NTM: variants seen among roughly 807,000 people sequenced by gnomAD.
NTM encodes the protein IgLON family member 2.
A neutral mutation model predicts 42.1 loss-of-function variants in NTM; 13 were observed. The observed-to-expected ratio is 0.31, with a 90% CI of 0.20 to 0.49. The LOEUF (loss-of-function observed/expected upper bound fraction) is 0.49, where lower values mean the gene tolerates loss of function less well. Among genes scored for constraint, NTM ranks in the 20% least tolerant of loss-of-function variants. The pLI is 0.99. For missense variants in NTM, 373 were observed against 452.8 expected (o/e 0.82, Z 1.60); for synonymous variants, 187 against 179.2 (o/e 1.04, Z -0.35).
At chr11:131,854,419 G>C (rs79016398) in intron 1 of NTM, among the ~76,000 whole-genome samples, 53 of 152,222 alleles carry the variant, frequency 3.5e-4, no homozygotes, top group Non-Finnish European at 5.3e-4. Flanking sequence ...TGGGGAATTC[G>C]CATGGTGTAA....
At chr11:131,707,580 T>C (rs1469660772) in intron 1 of NTM, among the ~76,000 whole-genome samples, 1 of 152,254 alleles carries the variant, frequency 6.6e-6, no homozygotes, top group Non-Finnish European at 1.5e-5. Context: ...TATTGTTTTT[T>C]ATAATGGTTA....
At chr11:132,147,332 CTT>C (rs1055026214) in intron 3 of NTM, among the ~76,000 whole-genome samples, 9 of 152,202 alleles carry the variant, frequency 5.9e-5, no homozygotes, top group Non-Finnish European at 8.8e-5. Flanking sequence ...TCAGACAACA[CTT>C]AACCCGGTTG....
chr11:132,150,115 G>A (rs552465925), intron 3 of NTM, among the ~76,000 whole-genome samples: 14 of 152,264 alleles, frequency 9.2e-5, no homozygotes, highest in South Asian at 6.2e-4. Flanking sequence ...GCTTCTATTC[G>A]TGGCATGGCG....
intron 1 of NTM, among the ~76,000 whole-genome samples, chr11:131,467,270 A>C (rs1326828265): frequency 1.3e-5 from 2 of 152,188 alleles, no homozygotes; most frequent in Non-Finnish European, 2.9e-5. Context: ...AACTCAGAGA[A>C]GCCCTTGCTC....
intron 1 of NTM, among the ~76,000 whole-genome samples, chr11:131,461,567 T>C (rs920877334): frequency 6.6e-6 from 1 of 152,062 alleles, no homozygotes; most frequent in African/African-American, 2.4e-5. Context: ...GGGGAGATGA[T>C]GGGCAAAGGA....
At chr11:132,261,602 T>C (rs1288838758) in intron 4 of NTM, among the ~76,000 whole-genome samples, 1 of 152,194 alleles carries the variant, frequency 6.6e-6, no homozygotes, top group African/African-American at 2.4e-5. Context: ...GATGGAGGCA[T>C]TTCTGACATG....
At chr11:131,382,405 A>G (rs1168668642) in intron 1 of NTM, among the ~76,000 whole-genome samples, 2 of 152,202 alleles carry the variant, frequency 1.3e-5, no homozygotes, top group Admixed American at 6.5e-5. Context: ...AATTTCATAT[A>G]TCTCAAACTG....
At chr11:131,872,594 T>A (rs1410037757) in intron 1 of NTM, among the ~76,000 whole-genome samples, 1 of 152,226 alleles carries the variant, frequency 6.6e-6, no homozygotes, top group East Asian at 1.9e-4. Context: ...TATATCTCTC[T>A]GCATGTGTGC....
At chr11:131,946,274 A>G (rs1471211983) in intron 2 of NTM, among the ~76,000 whole-genome samples, 1 of 152,236 alleles carries the variant, frequency 6.6e-6, no homozygotes, top group Non-Finnish European at 1.5e-5. Context: ...CTTGGGCTGG[A>G]CAGACATATG....
chr11:132,317,555 A>G, intron 7 of NTM: 1 of 545,576 alleles, frequency 1.8e-6, no homozygotes, highest in East Asian at 7.5e-5. Flanking sequence ...ATGTCTGTGA[A>G]AGGCAGTATA....
intron 2 of NTM, among the ~76,000 whole-genome samples, chr11:132,024,085 TG>T (rs1474492220): frequency 6.6e-6 from 1 of 152,102 alleles, no homozygotes; most frequent in Non-Finnish European, 1.5e-5. Context: ...CCCCAAGTGC[TG>T]GGATTACAGG....
At chr11:131,407,437 C>A (rs1408833931) in intron 1 of NTM, among the ~76,000 whole-genome samples, 1 of 152,162 alleles carries the variant, frequency 6.6e-6, no homozygotes. Flanking sequence ...TAGCAGCATC[C>A]AGTCTGCAGA....
intron 4 of NTM, among the ~76,000 whole-genome samples, chr11:132,231,680 A>C (rs1257743046): frequency 1.3e-5 from 2 of 152,198 alleles, no homozygotes; most frequent in Non-Finnish European, 2.9e-5. Flanking sequence ...TTGCTGGGTA[A>C]GCAACTTCCT....
chr11:132,118,090 T>A (rs945387943), intron 2 of NTM, among the ~76,000 whole-genome samples: 1 of 152,264 alleles, frequency 6.6e-6, no homozygotes, highest in Non-Finnish European at 1.5e-5. Context: ...TTATATTGCA[T>A]CTTCACAATA....
At chr11:131,945,583 A>G (rs944882033) in intron 2 of NTM, among the ~76,000 whole-genome samples, 2 of 152,238 alleles carry the variant, frequency 1.3e-5, no homozygotes, top group South Asian at 2.1e-4. Flanking sequence ...ACCAGGTTCA[A>G]TATTTACCTA....
At chr11:132,116,248 C>T (rs375238009) in intron 2 of NTM, among the ~76,000 whole-genome samples, 1 of 152,154 alleles carries the variant, frequency 6.6e-6, no homozygotes, top group African/African-American at 2.4e-5. Context: ...GCTGGAGGGA[C>T]ACAGGGTGAG....
chr11:131,764,251 G>T (rs921903351), intron 1 of NTM, among the ~76,000 whole-genome samples: 3 of 152,086 alleles, frequency 2.0e-5, no homozygotes, highest in African/African-American at 7.2e-5. Context: ...ACTCAGCAGT[G>T]GGTGCAACTT....
At chr11:131,716,807 C>G (rs1359086302) in intron 1 of NTM, among the ~76,000 whole-genome samples, 1 of 152,076 alleles carries the variant, frequency 6.6e-6, no homozygotes, top group Non-Finnish European at 1.5e-5. Flanking sequence ...AGTATTTATG[C>G]TAATACGATA....
intron 1 of NTM, among the ~76,000 whole-genome samples, chr11:131,490,368 T>G (rs1954650488): frequency 6.6e-6 from 1 of 152,262 alleles, no homozygotes; most frequent in Non-Finnish European, 1.5e-5. Context: ...CATTGTCTGT[T>G]GTTTTCATTA....
Sources: allele counts gnomAD v4.1 joint callset (sites outside exome capture counted in the v4.1 genomes callset), GRCh38; gene constraint gnomAD v4.1.1; transcripts MANE v1.5; gene names NCBI Gene and HGNC (gene_info 2026-07-23, HGNC 2026-07-21).